KIF13B: variants seen among roughly 807,000 people sequenced by gnomAD.
The protein encoded by KIF13B is kinesin family member 13B.
A neutral mutation model predicts 222.0 loss-of-function variants in KIF13B; 127 were observed. That is an observed-to-expected ratio of 0.57 (90% CI 0.50 to 0.66). KIF13B has a LOEUF of 0.66. Among genes scored for constraint, KIF13B ranks in the 30% least tolerant of loss-of-function variants. The pLI is 0.00. For missense variants in KIF13B, 2,173 were observed against 2,379.0 expected (o/e 0.91, Z 1.80); for synonymous variants, 976 against 919.0 (o/e 1.06, Z -1.12).
At chr8:29,099,410 G>T (rs971590456) in intron 35 of KIF13B, among the ~76,000 whole-genome samples, 169 bp from the exon 36 acceptor site, 1 of 151,886 alleles carries the variant, frequency 6.6e-6, no homozygotes, top group African/African-American at 2.4e-5. Context: ...CAGAGTTTCT[G>T]TCACCCAGGC....
At chr8:29,095,979 GT>G (rs1194410336) in intron 36 of KIF13B, among the ~76,000 whole-genome samples, 1 of 141,650 alleles carries the variant, frequency 7.1e-6, no homozygotes, top group Non-Finnish European at 1.5e-5. Flanking sequence ...TTTTTTGTTT[GT>G]TTTTTGTTTT....
At position 29,186,310 on chromosome 8, in the gene KIF13B, T is replaced by A. The variant is rs745358862; in HGVS notation, c.479A>T (p.Asp160Val). 6.2e-7 allele frequency: 1 copy of A among 1,612,696 alleles called. No homozygotes were observed. Among genetic ancestry groups the A allele is most frequent in the Non-Finnish European group, 8.5e-7 (1 of 1,179,294 alleles). ...YMEIYNEKVR[D>V]LLDPKGSRQT... ...CCTTTACCCTTTGGGATCAAGAAGGTCTCGAACTTTTTCATTATAAATTTC... is the reference window on the plus strand; with the variant it reads ...CCTTTACCCTTTGGGATCAAGAAGGACTCGAACTTTTTCATTATAAATTTC... Residue 160 changes from aspartate to valine, a missense_variant, in exon 6 of 40, where the codon GAC becomes GTC. Physicochemically the swap from Asp to Val is radical, Grantham distance 152. This residue lies in a region of KIF13B where 1,480 missense variants were observed against 1,722.8 expected (regional missense o/e 0.86). Coordinates refer to ENST00000524189, the MANE Select transcript of KIF13B (RefSeq NM_015254.4).
chr8:29,262,509 C>CGACCCGGGCGAGACGCGGG (rs1324746468), intron 1 of KIF13B, among the ~76,000 whole-genome samples: 1 of 152,010 alleles, frequency 6.6e-6, no homozygotes, highest in African/African-American at 2.4e-5. Flanking sequence ...CAGGCTTGGG[C>CGACCCGGGCGAGACGCGGG]GACCCGGGCG....
chr8:29,199,088 T>A (rs939339792), intron 2 of KIF13B, among the ~76,000 whole-genome samples: 1 of 151,838 alleles, frequency 6.6e-6, no homozygotes, highest in South Asian at 2.1e-4. Flanking sequence ...TAAAATTTTT[T>A]AAAAAATAGA....
intron 2 of KIF13B, among the ~76,000 whole-genome samples, chr8:29,212,267 C>T (rs560968946): frequency 1.1e-4 from 16 of 152,204 alleles, no homozygotes; most frequent in Admixed American, 2.0e-4. Flanking sequence ...TTTTAGGAAA[C>T]GGTAAAAATG....
Position 29,085,705 on chromosome 8 carries a change from C to CTTTTTTT in KIF13B, c.4458+7033_4458+7039dup, listed in dbSNP as rs71222589. On this transcript the variant is annotated intron_variant, in intron 37 of 39. Coordinates refer to ENST00000524189, the MANE Select transcript of KIF13B (RefSeq NM_015254.4). ...GTTTTTAAGTAACAGAAATACTCTT[C>CTTTTTTT]TTTTTTTTTTTTTTTTTTTTTTTTT... Among the ~76,000 whole-genome samples the CTTTTTTT allele has an allele frequency of 4.3e-4, 21 of 48,768 alleles. 1 individual carries two copies. Among genetic ancestry groups the CTTTTTTT allele is most frequent in the African/African-American group, 1.4e-3 (18 of 13,080 alleles). 32.0% of individuals were successfully genotyped at this position (48,768 alleles called of 152,430 possible).
chr8:29,118,930 A>G lies in KIF13B; in HGVS notation c.3598T>C (p.Leu1200=). ...AACTCCTCTTCTTCTTCCCCAGTCA[A>G]GGTCGCATCCCATCCACCAGCTTCT... The part of the protein sequence containing the change: ...DPEAGGWDAT[L]TGEEEEEFFE... The change falls in exon 30 of 40, where the codon TTG becomes CTG. Residue 1200 remains leucine, a synonymous_variant. Transcript: ENST00000524189. The G allele has an allele frequency of 6.2e-7, 1 of 1,613,934 alleles. No homozygotes were observed. Among genetic ancestry groups the G allele is most frequent in the Non-Finnish European group, 8.5e-7 (1 of 1,179,828 alleles).
At chr8:29,169,525 A>G (rs1480318171) in intron 10 of KIF13B, among the ~76,000 whole-genome samples, 2 of 152,274 alleles carry the variant, frequency 1.3e-5, no homozygotes, top group East Asian at 3.8e-4. Context: ...TAAAAGGTCA[A>G]TATGATCACA....
chr8:29,181,414 C>T (rs1812706561), intron 7 of KIF13B, among the ~76,000 whole-genome samples: 2 of 152,070 alleles, frequency 1.3e-5, no homozygotes, highest in Non-Finnish European at 2.9e-5. Context: ...ATATAATGGA[C>T]AAAACAGATA....
chr8:29,140,440 G>GGCATGAAGA, intron 20 of KIF13B, 28 bp downstream of exon 20: 1 of 1,604,818 alleles, frequency 6.2e-7, no homozygotes, highest in Non-Finnish European at 8.5e-7. Context: ...ATTCTCTACA[G>GGCATGAAGA]GAAACAAGGC....
intron 25 of KIF13B, 80 bp downstream of exon 25, chr8:29,127,042 A>G: frequency 8.1e-7 from 1 of 1,234,776 alleles, no homozygotes; most frequent in Non-Finnish European, 1.1e-6. Context: ...GTTCATAAAA[A>G]GTAGTTTCGT....
At position 29,146,436 on chromosome 8, in the gene KIF13B, C is replaced by A. The variant is rs763228452; in HGVS notation, c.2129G>T (p.Arg710Ile). 1 of 1,613,856 alleles carries A rather than the reference C, an allele frequency of 6.2e-7. No individual in the cohort carries two copies. The highest frequency in any genetic ancestry group is 8.5e-7 in the Non-Finnish European group (1 of 1,179,830). ...ANYIAEELDKRTEYKVTLQIP... is the reference protein window; with the variant it reads ...ANYIAEELDKITEYKVTLQIP... ...CTGTAGGGTAACTTTGTATTCTGTT[C>A]TTTTATCCAGCTCCTCAGCAATGTA... Residue 710 changes from arginine to isoleucine, a missense_variant, in exon 18 of 40, where the codon AGA becomes ATA. Around this residue, in one of 2 missense-constraint regions of KIF13B, gnomAD observed 1,480 missense variants for 1,722.8 expected, o/e 0.86. Coordinates refer to ENST00000524189, the MANE Select transcript of KIF13B (RefSeq NM_015254.4).
At chr8:29,249,934 G>A (rs1458760825) in intron 1 of KIF13B, 5 of 785,510 alleles carry the variant, frequency 6.4e-6, no homozygotes, top group Non-Finnish European at 9.4e-6. Flanking sequence ...CAGAAATGCT[G>A]CAAGAAAGTC....
chr8:29,091,076 C>T (rs1172193984), intron 37 of KIF13B, among the ~76,000 whole-genome samples: 2 of 152,140 alleles, frequency 1.3e-5, no homozygotes, highest in Admixed American at 1.3e-4. Context: ...TTTCCCAAAC[C>T]TTTGCTCATA....
At chr8:29,140,675 AACCT>A (rs1208745891) in intron 19 of KIF13B, 58 bp from the exon 20 acceptor site, 19 of 1,479,826 alleles carry the variant, frequency 1.3e-5, no homozygotes, top group Middle Eastern at 1.7e-4. Context: ...AAATGCATTC[AACCT>A]ACTGCTTTTT....
chr8:29,134,080 C>T lies in KIF13B; in HGVS notation c.2744G>A (p.Ser915Asn). 6.2e-7 allele frequency: 1 copy of T among 1,614,024 alleles called. No individual in the cohort carries two copies. The highest frequency in any genetic ancestry group is 8.5e-7 in the Non-Finnish European group (1 of 1,179,888). The change falls in exon 22 of 40, where the codon AGC (serine) becomes AAC (asparagine). Residue 915 changes from serine to asparagine, a missense_variant. By Grantham distance (46) the Ser-to-Asn change is conservative (BLOSUM62 1). Coordinates refer to ENST00000524189, the MANE Select transcript of KIF13B (RefSeq NM_015254.4). ...GACAACCATGCAGTGCGGCTCCTTG[C>T]TGACGGAAGAGGAGGAGGTGTCCAC... ...PEVDTSSSSV[S>N]KEPHCMVVFD... is the part of the protein sequence containing the mutation.
intron 37 of KIF13B, among the ~76,000 whole-genome samples, chr8:29,084,120 G>A (rs968200537): frequency 4.6e-5 from 7 of 152,092 alleles, no homozygotes; most frequent in African/African-American, 9.7e-5. Flanking sequence ...GTTTCACTGC[G>A]ATGGCCAGGC....
chr8:29,132,529 CCAGACATCA>C, intron 22 of KIF13B, 64 bp from the exon 23 acceptor site: 1 of 1,052,858 alleles, frequency 9.5e-7, no homozygotes, highest in South Asian at 3.1e-5. Flanking sequence ...ATTGTTTATA[CCAGACATCA>C]CATACTTAAT....
intron 1 of KIF13B, among the ~76,000 whole-genome samples, chr8:29,252,552 T>C (rs1441976491): frequency 6.6e-6 from 1 of 152,266 alleles, no homozygotes. Flanking sequence ...TAAATTCATT[T>C]GGGTTCATTT....
Sources: allele counts gnomAD v4.1 joint callset (sites outside exome capture counted in the v4.1 genomes callset), GRCh38; gene constraint gnomAD v4.1.1; regional missense constraint gnomAD v4.1.1; transcripts MANE v1.5; gene names NCBI Gene and HGNC (gene_info 2026-07-23, HGNC 2026-07-21).